Variants in EEF2K observed in about 807,000 individuals in gnomAD.
EEF2K encodes the protein alternative protein EEF2K.
In EEF2K, 70 loss-of-function variants were observed where a neutral mutation model predicts 93.8. The observed-to-expected ratio is 0.75, with a 90% confidence interval of 0.62 to 0.91. EEF2K has a LOEUF of 0.91. EEF2K is among the 40% of genes least tolerant of loss of function. EEF2K has a pLI of 0.00. For synonymous variants in EEF2K, 376 were observed against 380.8 expected, an observed-to-expected ratio of 0.99 and a Z score of 0.15; for missense variants, 935 against 972.9, an observed-to-expected ratio of 0.96 and a Z score of 0.52.
At chr16:22,275,083 A>T (rs1211751810) in intron 16 of EEF2K, among the ~76,000 whole-genome samples, 1 of 152,192 alleles carries the variant, frequency 6.6e-6, no homozygotes, top group Non-Finnish European at 1.5e-5. Context: ...ACATGATTGT[A>T]TTAGGTCAAA....
Position 22,260,460 on chromosome 16 carries a change from A to G in EEF2K, c.1232-2A>G. On this transcript the variant is annotated splice_acceptor_variant, in intron 10 of 17. Transcript: ENST00000263026. LOFTEE classifies it high-confidence loss of function. ...ACATGATGTCTGTTTCTCCCTGCCC[A>G]GATTGGCCAGTGTTCAGTGACCTCG... 1 of 1,614,112 alleles carries G rather than the reference A, an allele frequency of 6.2e-7. No homozygotes were observed. The highest frequency in any genetic ancestry group is 1.1e-5 in the South Asian group (1 of 91,074).
At chr16:22,251,107 AC>A in intron 5 of EEF2K, 43 bp from the exon 6 acceptor site, 1 of 1,585,498 alleles carries the variant, frequency 6.3e-7, no homozygotes, top group Non-Finnish European at 8.6e-7. Context: ...TCCCTGGTGA[AC>A]CCCAGAGTAC....
At chr16:22,263,307 A>G in intron 12 of EEF2K, 120 bp downstream of exon 12, 2 of 902,988 alleles carry the variant, frequency 2.2e-6, no homozygotes, top group Non-Finnish European at 3.2e-6. Flanking sequence ...ATAACAAGTA[A>G]ATTAATAAAG....
chr16:22,245,533 G>C (rs1052808872), intron 3 of EEF2K, among the ~76,000 whole-genome samples: 1 of 151,966 alleles, frequency 6.6e-6, no homozygotes, highest in African/African-American at 2.4e-5. Flanking sequence ...ACCGAGGGTG[G>C]GGTGTTCTGG....
intron 16 of EEF2K, 66 bp from the exon 17 acceptor site, chr16:22,280,132 A>G: frequency 7.2e-7 from 1 of 1,393,336 alleles, no homozygotes; most frequent in Non-Finnish European, 9.4e-7. Flanking sequence ...TCCTGCTGGA[A>G]GGCCCTCCTC....
At chr16:22,246,043 A>C (rs1393886314) in intron 3 of EEF2K, among the ~76,000 whole-genome samples, 1 of 152,186 alleles carries the variant, frequency 6.6e-6, no homozygotes, top group Non-Finnish European at 1.5e-5. Flanking sequence ...CAGTCCTACA[A>C]GACCGTCCCC....
At chr16:22,248,583 G>A (rs1292421330) in intron 3 of EEF2K, among the ~76,000 whole-genome samples, 172 bp from the exon 4 acceptor site, 3 of 152,200 alleles carry the variant, frequency 2.0e-5, no homozygotes, top group African/African-American at 7.2e-5. Flanking sequence ...ACGTGGGAGG[G>A]AGGGACAGTG....
chr16:22,254,839 G>C (rs563355409), intron 6 of EEF2K, among the ~76,000 whole-genome samples: 18 of 151,766 alleles, frequency 1.2e-4, no homozygotes, highest in South Asian at 4.2e-4. Flanking sequence ...AGCCCGGGGT[G>C]GGGGGGCGGA....
At chr16:22,270,554 T>G (rs916941972) in intron 15 of EEF2K, among the ~76,000 whole-genome samples, 3 of 152,082 alleles carry the variant, frequency 2.0e-5, no homozygotes, top group African/African-American at 7.2e-5. Context: ...CCCAGCCAGC[T>G]CCCCGATTCT....
chr16:22,236,250 G>A (rs1168002906), intron 2 of EEF2K, among the ~76,000 whole-genome samples: 1 of 151,874 alleles, frequency 6.6e-6, no homozygotes, highest in Non-Finnish European at 1.5e-5. Flanking sequence ...ACTTCTTCCC[G>A]CTTCTTTTAT....
intron 2 of EEF2K, among the ~76,000 whole-genome samples, chr16:22,227,691 T>TC (rs1007759972): frequency 1.3e-5 from 2 of 152,106 alleles, no homozygotes; most frequent in Non-Finnish European, 2.9e-5. Context: ...CTTAACAATC[T>TC]CCCCATTTAT....
intron 10 of EEF2K, among the ~76,000 whole-genome samples, chr16:22,259,187 C>A (rs577519073): frequency 6.6e-6 from 1 of 152,256 alleles, no homozygotes; most frequent in South Asian, 2.1e-4. Flanking sequence ...ATCATTATTT[C>A]TGACACTGAA....
intron 3 of EEF2K, among the ~76,000 whole-genome samples, chr16:22,245,554 G>T (rs1226019836): frequency 6.6e-6 from 1 of 151,972 alleles, no homozygotes; most frequent in African/African-American, 2.4e-5. Context: ...AGTCTGCCCC[G>T]GCTGAGAGGT....
intron 11 of EEF2K, among the ~76,000 whole-genome samples, chr16:22,262,092 T>C (rs1464153035): frequency 6.6e-6 from 1 of 151,918 alleles, no homozygotes; most frequent in Admixed American, 6.6e-5. Flanking sequence ...CCGTTACTAA[T>C]TGTGCAGGTG....
intron 1 of EEF2K, among the ~76,000 whole-genome samples, chr16:22,217,449 C>T (rs568693026): frequency 1.3e-5 from 2 of 152,062 alleles, no homozygotes; most frequent in South Asian, 2.1e-4. Context: ...ATGGCCCAAA[C>T]CCTGGCTGGG....
chr16:22,225,953 C>A lies in EEF2K; in HGVS notation c.224C>A (p.Pro75Gln), dbSNP rs752819759. The A allele has an allele frequency of 6.2e-7, 1 of 1,614,092 alleles. No homozygotes were observed. The highest frequency in any genetic ancestry group is 2.2e-5 in the East Asian group (1 of 44,878). The change falls in exon 2 of 18, where the codon CCG (proline) becomes CAG (glutamine). Residue 75 changes from proline (P) to glutamine (Q), a missense_variant. Physicochemically the swap from Pro to Gln is moderately conservative, Grantham distance 76. Coordinates refer to ENST00000263026, the MANE Select transcript of EEF2K (RefSeq NM_013302.5). ...GAGCGGTATAGCTCCAGCGGGTCCC[C>A]GGCAAACTCCTTCCACTTCAAGGTG... ...KSERYSSSGS[P>Q]ANSFHFKEAW...
At position 22,206,314 on chromosome 16, in the gene EEF2K, C is replaced by A. The variant is rs908031536; in HGVS notation, c.-442C>A. 3 of 152,648 alleles carry A rather than the reference C, an allele frequency of 2.0e-5. No individual in the cohort carries two copies. Among genetic ancestry groups the A allele is most frequent in the Non-Finnish European group, 4.4e-5 (3 of 68,498 alleles). The allele number at this position is 152,648 out of a possible 1,614,324, so 9.5% of individuals were successfully genotyped here. A position where few individuals can be genotyped will look rare whatever the true frequency, so the allele number is the denominator to read the frequency against. On this transcript the variant is annotated 5_prime_UTR_variant, in exon 1 of 18. Coordinates refer to ENST00000263026, the MANE Select transcript of EEF2K (RefSeq NM_013302.5). The stretch of plus-strand genomic sequence containing the variant: ...ACCAGCCCCAGCTTCAGCCTCAGCT[C>A]CCCTCCTTCCTGGATCGAGCGCCCG...
intron 10 of EEF2K, 22 bp downstream of exon 10, chr16:22,258,717 A>C (rs758988450): frequency 6.2e-7 from 1 of 1,613,762 alleles, no homozygotes; most frequent in South Asian, 1.1e-5. Context: ...TTCGGTCCCT[A>C]GTCACTGTGA....
chr16:22,261,031 T>C (rs1394084709), intron 11 of EEF2K, among the ~76,000 whole-genome samples: 1 of 152,214 alleles, frequency 6.6e-6, no homozygotes, highest in Non-Finnish European at 1.5e-5. Flanking sequence ...ATGTATATTA[T>C]GGCAAATTAT....
Sources: allele counts gnomAD v4.1 joint callset (sites outside exome capture counted in the v4.1 genomes callset), GRCh38; gene constraint gnomAD v4.1.1; transcripts MANE v1.5; gene names NCBI Gene and HGNC (gene_info 2026-07-23, HGNC 2026-07-21).